The following SGCZ variants were observed in gnomAD, a reference collection of about 807,000 sequenced individuals.
SGCZ encodes sarcoglycan zeta, also known as zeta-sarcoglycan.
A neutral mutation model predicts 41.3 loss-of-function variants in SGCZ; 40 were observed. The ratio of observed to expected loss-of-function variants is 0.97; its 90% CI spans 0.75 to 1.26. The LOEUF is 1.26. Among genes scored for constraint, SGCZ ranks in the 50% most tolerant of loss-of-function variants. The pLI is 0.00. For missense variants in SGCZ, 552 were observed against 369.8 expected, an observed-to-expected ratio of 1.49 and a Z score of -4.04; for synonymous variants, 206 against 137.5, an observed-to-expected ratio of 1.50 and a Z score of -3.49.
chr8:15,042,487 A>G (rs1804141467), intron 1 of SGCZ, among the ~76,000 whole-genome samples: 1 of 152,226 alleles, frequency 6.6e-6, no homozygotes, highest in African/African-American at 2.4e-5. Flanking sequence ...TGAATAGCTC[A>G]TTATATTTCC....
At chr8:15,217,087 A>T (rs1201846147) in intron 1 of SGCZ, among the ~76,000 whole-genome samples, 1 of 152,146 alleles carries the variant, frequency 6.6e-6, no homozygotes, top group Non-Finnish European at 1.5e-5. Context: ...AAAAGTAAGC[A>T]TTCCGACAGC....
At chr8:14,535,007 T>C (rs1041914875) in intron 2 of SGCZ, among the ~76,000 whole-genome samples, 6 of 151,966 alleles carry the variant, frequency 3.9e-5, no homozygotes, top group African/African-American at 1.4e-4. Context: ...CTAGGTTTGC[T>C]TAATCATATT....
chr8:14,163,702 A>C (rs958262082), intron 5 of SGCZ, among the ~76,000 whole-genome samples: 1 of 152,124 alleles, frequency 6.6e-6, no homozygotes, highest in African/African-American at 2.4e-5. Flanking sequence ...GATTCAACCC[A>C]AACAACCCAA....
chr8:15,152,828 C>T (rs987205272), intron 1 of SGCZ, among the ~76,000 whole-genome samples: 1 of 152,164 alleles, frequency 6.6e-6, no homozygotes, highest in Non-Finnish European at 1.5e-5. Context: ...GTACCTATAT[C>T]AGATAAACTG....
chr8:14,515,875 T>C (rs938200290), intron 2 of SGCZ, among the ~76,000 whole-genome samples: 2 of 152,142 alleles, frequency 1.3e-5, no homozygotes, highest in African/African-American at 4.8e-5. Context: ...TAAAGATGAA[T>C]GATTTTGAGT....
chr8:14,426,811 G>A (rs1411817632), intron 2 of SGCZ, among the ~76,000 whole-genome samples: 1 of 152,068 alleles, frequency 6.6e-6, no homozygotes, highest in Non-Finnish European at 1.5e-5. Context: ...AAAGTGAGTT[G>A]CAAAGATTGG....
intron 1 of SGCZ, among the ~76,000 whole-genome samples, chr8:14,571,587 T>A (rs1209671819): frequency 6.6e-6 from 1 of 152,162 alleles, no homozygotes; most frequent in African/African-American, 2.4e-5. Context: ...CTGACTGCAT[T>A]TTACAAAATT....
intron 1 of SGCZ, among the ~76,000 whole-genome samples, chr8:14,766,601 A>C (rs1800042621): frequency 6.6e-6 from 1 of 151,716 alleles, no homozygotes; most frequent in African/African-American, 2.4e-5. Flanking sequence ...TCATTCTGTC[A>C]CCCAGGCTGG....
chr8:14,355,453 T>G (rs1000665351), intron 2 of SGCZ, among the ~76,000 whole-genome samples: 5 of 152,102 alleles, frequency 3.3e-5, no homozygotes, highest in Admixed American at 6.6e-5. Context: ...CTGGCCTATT[T>G]ATATGAGCTA....
chr8:14,389,570 C>A (rs574768914), intron 2 of SGCZ, among the ~76,000 whole-genome samples: 1 of 151,024 alleles, frequency 6.6e-6, no homozygotes, highest in Non-Finnish European at 1.5e-5. Flanking sequence ...AAACCTGAAA[C>A]TCTAATCAGG....
chr8:14,414,407 T>G (rs1323137797), intron 2 of SGCZ, among the ~76,000 whole-genome samples: 1 of 151,866 alleles, frequency 6.6e-6, no homozygotes, highest in Admixed American at 6.6e-5. Context: ...ACAAGTAAAA[T>G]TCCTAGGTCC....
At chr8:14,710,421 T>C (rs1809479912) in intron 1 of SGCZ, among the ~76,000 whole-genome samples, 2 of 151,390 alleles carry the variant, frequency 1.3e-5, no homozygotes, top group South Asian at 4.2e-4. Context: ...ATTTTCAAAC[T>C]TGATCTAACA....
rs186930345 is a variant in SGCZ, at chr8:14,575,219, T to C, written c.40-20293A>G. 4.8e-3 allele frequency among the ~76,000 whole-genome samples: 727 copies of C among 152,324 alleles called. 10 individuals are homozygous for C. The highest frequency in any genetic ancestry group is 0.016 in the African/African-American group (678 of 41,570). ...GTCAATATTTGTTAAAGCTGAATTA[T>C]TCCAGATGCTTATATAGGGGTAAAG... On this transcript the variant is annotated intron_variant, in intron 1 of 7. Coordinates refer to ENST00000382080, the MANE Select transcript of SGCZ (RefSeq NM_139167.4).
chr8:15,012,652 AAT>A (rs1802879431), intron 1 of SGCZ, among the ~76,000 whole-genome samples: 1 of 94,690 alleles, frequency 1.1e-5, no homozygotes, highest in Non-Finnish European at 2.0e-5. Context: ...AACTATATAT[AAT>A]ATATAATATA....
intron 1 of SGCZ, among the ~76,000 whole-genome samples, chr8:14,928,047 C>A (rs1563369461): frequency 6.6e-6 from 1 of 152,194 alleles, no homozygotes; most frequent in African/African-American, 2.4e-5. Flanking sequence ...TGCCAGAGGC[C>A]TCTGCCTTTA....
intron 1 of SGCZ, among the ~76,000 whole-genome samples, chr8:14,883,776 G>GTTGT (rs1554517122): frequency 1.2e-5 from 1 of 86,034 alleles, no homozygotes; most frequent in African/African-American, 4.4e-5. Context: ...GCATCCTGTT[G>GTTGT]TTTTTTTTTT....
At chr8:14,592,133 G>A (rs1805261054) in intron 1 of SGCZ, among the ~76,000 whole-genome samples, 1 of 152,106 alleles carries the variant, frequency 6.6e-6, no homozygotes, top group Non-Finnish European at 1.5e-5. Flanking sequence ...GTTTTGCTAA[G>A]TTTCCTATAA....
intron 3 of SGCZ, among the ~76,000 whole-genome samples, chr8:14,296,621 C>T (rs1159520620): frequency 1.3e-5 from 2 of 151,990 alleles, no homozygotes; most frequent in Non-Finnish European, 2.9e-5. Flanking sequence ...TCGTAAAATA[C>T]ATACAGACCC....
At chr8:14,806,521 A>G (rs2130521202) in intron 1 of SGCZ, among the ~76,000 whole-genome samples, 1 of 152,342 alleles carries the variant, frequency 6.6e-6, no homozygotes, top group Non-Finnish European at 1.5e-5. Flanking sequence ...CTTTCCCAAG[A>G]CTAAACCAGG....
Sources: allele counts gnomAD v4.1 joint callset (sites outside exome capture counted in the v4.1 genomes callset), GRCh38; gene constraint gnomAD v4.1.1; transcripts MANE v1.5; gene names NCBI Gene and HGNC (gene_info 2026-07-23, HGNC 2026-07-21).